Variants in PALM2AKAP2 observed in about 807,000 individuals in gnomAD.
PALM2AKAP2 encodes the protein PALM2-AKAP2 fusion protein.
In PALM2AKAP2, 37 loss-of-function variants were observed where a neutral mutation model predicts 71.5. The ratio of observed to expected loss-of-function variants is 0.52; its 90% CI spans 0.40 to 0.68. The LOEUF (loss-of-function observed/expected upper bound fraction) is 0.68, where lower values mean the gene tolerates loss of function less well. Among genes scored for constraint, PALM2AKAP2 ranks in the 30% least tolerant of loss-of-function variants. The probability of loss-of-function intolerance (pLI) is 0.00; values close to 1 mark genes in which losing one functional copy is unlikely to be tolerated. For missense variants in PALM2AKAP2, 1,224 were observed against 1,191.8 expected, an observed-to-expected ratio of 1.03 and a Z score of -0.40; for synonymous variants, 468 against 478.8, an observed-to-expected ratio of 0.98 and a Z score of 0.29.
At chr9:109,790,835 A>T (rs1327338529) in intron 1 of PALM2AKAP2, among the ~76,000 whole-genome samples, 1 of 152,220 alleles carries the variant, frequency 6.6e-6, no homozygotes, top group Non-Finnish European at 1.5e-5. Context: ...TAAAAAGCTT[A>T]AGGCTAATAT....
intron 1 of PALM2AKAP2, among the ~76,000 whole-genome samples, chr9:109,715,104 A>G (rs1269484835): frequency 2.0e-5 from 3 of 152,188 alleles, no homozygotes; most frequent in African/African-American, 7.2e-5. Flanking sequence ...ACTGATCTAC[A>G]CTATCTTTTG....
At chr9:110,045,602 C>T (rs1040799385), upstream of PALM2AKAP2, among the ~76,000 whole-genome samples, 5 of 152,058 alleles carry the variant, frequency 3.3e-5, no homozygotes, top group African/African-American at 1.2e-4. Flanking sequence ...CAGTCTCTCT[C>T]TGTCGCCCAG....
At chr9:110,128,282 C>G (rs1010788) in intron 1 of PALM2AKAP2, among the ~76,000 whole-genome samples, 39,518 of 152,130 alleles carry the variant, frequency 0.26, 5,156 homozygotes, top group Middle Eastern at 0.36. Flanking sequence ...TTAGGAAGAA[C>G]CTCTCTAAAG....
At chr9:110,114,202 C>T (rs1435965851) in intron 1 of PALM2AKAP2, among the ~76,000 whole-genome samples, 1 of 152,208 alleles carries the variant, frequency 6.6e-6, no homozygotes, top group African/African-American at 2.4e-5. Flanking sequence ...CCATGCCTTT[C>T]TCCTAGCTTC....
intron 1 of PALM2AKAP2, among the ~76,000 whole-genome samples, chr9:109,813,676 A>T (rs867913759): frequency 2.0e-5 from 3 of 152,066 alleles, no homozygotes; most frequent in Admixed American, 6.5e-5. Context: ...CTGCATTTAG[A>T]CTGGCCCATA....
intron 1 of PALM2AKAP2, among the ~76,000 whole-genome samples, chr9:109,850,153 G>A (rs374218689): frequency 1.3e-5 from 2 of 152,148 alleles, no homozygotes; most frequent in African/African-American, 2.4e-5. Flanking sequence ...GATGGATGCA[G>A]GATCTGTTGC....
intron 1 of PALM2AKAP2, among the ~76,000 whole-genome samples, chr9:109,705,000 A>G (rs918649390): frequency 6.6e-6 from 1 of 152,190 alleles, no homozygotes; most frequent in African/African-American, 2.4e-5. Flanking sequence ...CCTTGGTTGC[A>G]TTTCCTAACT....
intron 1 of PALM2AKAP2, among the ~76,000 whole-genome samples, chr9:109,849,034 A>G (rs1017622160): frequency 1.3e-5 from 2 of 152,160 alleles, no homozygotes; most frequent in African/African-American, 4.8e-5. Flanking sequence ...AAAGATTAAC[A>G]GGATTGACTC....
chr9:109,896,470 T>A (rs1241717414), intron 3 of PALM2AKAP2, among the ~76,000 whole-genome samples: 1 of 152,094 alleles, frequency 6.6e-6, no homozygotes, highest in Non-Finnish European at 1.5e-5. Context: ...GCACTTAGAT[T>A]CCAAGTGCGT....
intron 2 of PALM2AKAP2, among the ~76,000 whole-genome samples, chr9:110,147,369 G>A (rs993255686): frequency 2.6e-5 from 4 of 152,018 alleles, no homozygotes; most frequent in Admixed American, 1.3e-4. Flanking sequence ...CTAGCTTTGT[G>A]ACCAACTTAC....
At chr9:109,826,124 A>C (rs1455622400) in intron 1 of PALM2AKAP2, among the ~76,000 whole-genome samples, 1 of 152,028 alleles carries the variant, frequency 6.6e-6, no homozygotes, top group African/African-American at 2.4e-5. Context: ...ACAAAAAACC[A>C]AACACCACAT....
chr9:109,820,163 T>C (rs926731991), intron 1 of PALM2AKAP2, among the ~76,000 whole-genome samples: 25 of 152,234 alleles, frequency 1.6e-4, no homozygotes, highest in African/African-American at 5.8e-4. Context: ...ATATTACTTA[T>C]ATAATTAAAA....
At chr9:109,657,823 A>C (rs753689595) in intron 1 of PALM2AKAP2, among the ~76,000 whole-genome samples, 1 of 152,038 alleles carries the variant, frequency 6.6e-6, no homozygotes, top group Non-Finnish European at 1.5e-5. Flanking sequence ...TCAGGATGTC[A>C]GGCAAGAAGT....
chr9:109,946,607 C>A (rs77488304), intron 6 of PALM2AKAP2: 2 of 146,092 alleles, frequency 1.4e-5, no homozygotes, highest in Non-Finnish European at 3.0e-5. Flanking sequence ...GCAGGAGAAT[C>A]GCTTGAACCT....
intron 1 of PALM2AKAP2, chr9:109,640,907 G>A (rs758304117): frequency 2.7e-6 from 4 of 1,502,730 alleles, no homozygotes; most frequent in South Asian, 1.3e-5. Flanking sequence ...CTCTCCTCTC[G>A]GCATGTTGCC....
chr9:110,149,216 A>T (rs553380118), intron 2 of PALM2AKAP2, among the ~76,000 whole-genome samples: 15 of 152,348 alleles, frequency 9.8e-5, no homozygotes, highest in African/African-American at 3.4e-4. Context: ...GCTAGTTTGG[A>T]GTGAAACTCT....
chr9:109,898,404 T>G (rs1471894649), intron 3 of PALM2AKAP2, among the ~76,000 whole-genome samples: 3 of 152,232 alleles, frequency 2.0e-5, no homozygotes, highest in Non-Finnish European at 4.4e-5. Flanking sequence ...TCTCAGACAT[T>G]TGAAAACACA....
chr9:109,916,125 G>T (rs1210067262), intron 3 of PALM2AKAP2, among the ~76,000 whole-genome samples: 1 of 152,156 alleles, frequency 6.6e-6, no homozygotes, highest in Admixed American at 6.5e-5. Flanking sequence ...TGTATTTTTA[G>T]TAGAGACGGA....
intron 1 of PALM2AKAP2, among the ~76,000 whole-genome samples, chr9:109,731,844 CA>C (rs1828560369): frequency 6.6e-6 from 1 of 152,112 alleles, no homozygotes; most frequent in East Asian, 1.9e-4. Flanking sequence ...GCATGTGCAT[CA>C]GGGGAGAAGA....
Sources: gnomAD v4.1 joint callset for allele counts (sites outside exome capture counted in the v4.1 genomes callset) on GRCh38, gnomAD v4.1.1 for gene constraint, MANE v1.5 for transcripts, NCBI Gene and HGNC (gene_info 2026-07-23, HGNC 2026-07-21) for gene names.